The following YIPF7 variants were observed in gnomAD, a reference collection of about 807,000 sequenced individuals.
YIPF7 encodes the protein Yip1 domain family member 7.
Under a neutral mutation model 27.2 loss-of-function variants are expected in YIPF7, and 35 were observed. That is an observed-to-expected ratio of 1.29 (90% confidence interval 0.98 to 1.70). The LOEUF is 1.70. Among genes scored for constraint, YIPF7 ranks in the 40% most tolerant of loss-of-function variants. The pLI, the probability that YIPF7 is intolerant of heterozygous loss-of-function variation, is 0.00. For synonymous variants in YIPF7, 137 were observed against 110.4 expected, an observed-to-expected ratio of 1.24 and a Z score of -1.51; for missense variants, 358 against 303.7, an observed-to-expected ratio of 1.18 and a Z score of -1.33.
upstream of YIPF7, among the ~76,000 whole-genome samples, chr4:44,654,589 AC>A (rs1713833899): frequency 6.6e-6 from 1 of 151,964 alleles, no homozygotes; most frequent in Non-Finnish European, 1.5e-5. Context: ...TGCATCCTTG[AC>A]CTTTCTTCTC....
At chr4:44,625,023 A>T (rs960929425) in intron 4 of YIPF7, among the ~76,000 whole-genome samples, 2 of 152,190 alleles carry the variant, frequency 1.3e-5, no homozygotes. Flanking sequence ...AAAAGATTGA[A>T]TATTTCTAGA....
intron 4 of YIPF7, among the ~76,000 whole-genome samples, chr4:44,625,506 C>A (rs1024087573): frequency 1.3e-5 from 2 of 152,116 alleles, no homozygotes; most frequent in African/African-American, 4.8e-5. Flanking sequence ...CCACAGAATC[C>A]TTTTATGTTT....
At position 44,622,917 on chromosome 4, in the gene YIPF7, A is replaced by G. The variant is rs182969724; in HGVS notation, c.609-341T>C. 9.2e-5 allele frequency among the ~76,000 whole-genome samples: 14 copies of G among 152,328 alleles called. No homozygotes were observed. In the East Asian group the frequency reaches 2.5e-3, roughly 27 times the overall value. On this transcript the variant is annotated intron_variant, in intron 5 of 5. Coordinates refer to ENST00000415895, the MANE Select transcript of YIPF7 (RefSeq NM_182592.3). ...AGAGCCTTCACTTCCTTATAGCTAC[A>G]GATTTCCTTTTCCCTACTTTCCTCA...
chr4:44,624,305 T>G (rs1159228066), intron 5 of YIPF7, among the ~76,000 whole-genome samples: 1 of 151,928 alleles, frequency 6.6e-6, no homozygotes, highest in African/African-American at 2.4e-5. Flanking sequence ...CTCAGGTGAT[T>G]CGCCCACCTC....
At chr4:44,649,767 A>G (rs1051055710) in intron 2 of YIPF7, among the ~76,000 whole-genome samples, 8 of 152,074 alleles carry the variant, frequency 5.3e-5, no homozygotes, top group African/African-American at 1.4e-4. Flanking sequence ...CAGCCTTACA[A>G]AAGCAATTGA....
At chr4:44,660,113 C>CAAAAAAAAAAAACAA (rs1714004588) in intron 2 of YIPF7, among the ~76,000 whole-genome samples, 1 of 25,516 alleles carries the variant, frequency 3.9e-5, no homozygotes, top group Non-Finnish European at 8.0e-5. Flanking sequence ...GACTCTGTCT[C>CAAAAAAAAAAAACAA]AAAAAAAAAA....
At chr4:44,651,664 T>G, upstream of YIPF7, 8 of 1,458,476 alleles carry the variant, frequency 5.5e-6, no homozygotes, top group Non-Finnish European at 7.4e-6. Flanking sequence ...TATACCTTTC[T>G]AAATTTGTAT....
intron 3 of YIPF7, among the ~76,000 whole-genome samples, chr4:44,633,473 T>C (rs1271594064): frequency 3.9e-5 from 6 of 152,014 alleles, no homozygotes; most frequent in African/African-American, 1.4e-4. Flanking sequence ...ACTTCACATA[T>C]TAAGCTTAAA....
intron 4 of YIPF7, among the ~76,000 whole-genome samples, chr4:44,625,177 T>C (rs996295483): frequency 3.3e-4 from 50 of 152,278 alleles, no homozygotes; most frequent in African/African-American, 1.1e-3. Context: ...ACAAGGCATA[T>C]TAGTAAAATT....
chr4:44,655,947 T>G (rs187113469), upstream of YIPF7, among the ~76,000 whole-genome samples: 101 of 152,132 alleles, frequency 6.6e-4, no homozygotes, highest in Non-Finnish European at 1.2e-3. Context: ...AAAAGAAAAT[T>G]AAAGGATTTT....
chr4:44,626,267 C>T (rs1327897738), intron 4 of YIPF7, among the ~76,000 whole-genome samples: 4 of 152,176 alleles, frequency 2.6e-5, no homozygotes. Flanking sequence ...GATGGACATG[C>T]TAACAGAAAT....
intron 4 of YIPF7, among the ~76,000 whole-genome samples, chr4:44,625,165 T>G (rs1231565513): frequency 6.6e-6 from 1 of 152,200 alleles, no homozygotes; most frequent in Non-Finnish European, 1.5e-5. Flanking sequence ...TCTTGGAGAT[T>G]TACAAGGCAT....
chr4:44,626,407 A>G (rs1051973198), intron 4 of YIPF7, among the ~76,000 whole-genome samples: 3 of 152,180 alleles, frequency 2.0e-5, no homozygotes, highest in Non-Finnish European at 4.4e-5. Context: ...AATCTGAGGT[A>G]GGGCTAGTCC....
At chr4:44,627,913 T>C (rs184235485) in intron 4 of YIPF7, among the ~76,000 whole-genome samples, 2 of 152,308 alleles carry the variant, frequency 1.3e-5, no homozygotes, top group Admixed American at 1.3e-4. Context: ...AAGGGTTATG[T>C]AAATAACTCC....
At chr4:44,657,775 T>G (rs1462073273) in intron 2 of YIPF7, among the ~76,000 whole-genome samples, 3 of 152,188 alleles carry the variant, frequency 2.0e-5, no homozygotes, top group African/African-American at 7.2e-5. Flanking sequence ...GCTGCTTTTC[T>G]AAGTGCCAGA....
intron 3 of YIPF7, among the ~76,000 whole-genome samples, chr4:44,632,107 A>G (rs959902109): frequency 1.3e-5 from 2 of 152,090 alleles, no homozygotes; most frequent in African/African-American, 2.4e-5. Context: ...ATATTTTCAT[A>G]ATAATAAAGA....
chr4:44,624,792 C>T lies in YIPF7; in HGVS notation c.427-10G>A, dbSNP rs1008095955. ...ACTGAACTTTTCCTGCCTGAAACGA[C>T]GTGAAGAAAAAACAGTTTGAACACA... On this transcript the variant is annotated splice_polypyrimidine_tract_variant and intron_variant, in intron 4 of 5. Coordinates refer to ENST00000415895, the MANE Select transcript of YIPF7 (RefSeq NM_182592.3). The T allele has an allele frequency of 4.4e-6, 7 of 1,596,716 alleles. No individual in the cohort carries two copies. The highest frequency in any genetic ancestry group is 1.7e-4 in the Middle Eastern group (1 of 5,958).
chr4:44,661,274 G>A (rs901141345), intron 1 of YIPF7, among the ~76,000 whole-genome samples: 1 of 152,142 alleles, frequency 6.6e-6, no homozygotes, highest in African/African-American at 2.4e-5. Flanking sequence ...AGATGTAAGG[G>A]TATACTTAGC....
chr4:44,634,265 G>T (rs1299142578), intron 3 of YIPF7, among the ~76,000 whole-genome samples: 1 of 152,210 alleles, frequency 6.6e-6, no homozygotes, highest in Non-Finnish European at 1.5e-5. Context: ...GGGCACAGTG[G>T]CTCATGCCCG....
Sources: gnomAD v4.1 joint callset for allele counts (sites outside exome capture counted in the v4.1 genomes callset) on GRCh38, gnomAD v4.1.1 for gene constraint, MANE v1.5 for transcripts, NCBI Gene and HGNC (gene_info 2026-07-23, HGNC 2026-07-21) for gene names.